Variants in BRINP3 observed in about 807,000 individuals in gnomAD.
BRINP3 encodes BMP/retinoic acid-inducible neural-specific protein 3.
Under a neutral mutation model 71.0 loss-of-function variants are expected in BRINP3, and 19 were observed. The ratio of observed to expected loss-of-function variants is 0.27; its 90% CI spans 0.19 to 0.39. The LOEUF is 0.39. Among genes scored for constraint, BRINP3 ranks in the 10% least tolerant of loss-of-function variants. The pLI, the probability that BRINP3 is intolerant of heterozygous loss-of-function variation, is 1.00. For synonymous variants in BRINP3, 380 were observed against 337.7 expected (o/e 1.13, Z -1.37); for missense variants, 959 against 940.8 (o/e 1.02, Z -0.25).
chr1:190,249,250 C>A lies in BRINP3; in HGVS notation c.619-14773G>T, dbSNP rs553473699. ...TCACTTATGTAAGCCTATTCCCCAG[C>A]AGCCCTAAGCACAGCACAGACACTG... On this transcript the variant is annotated intron_variant, in intron 4 of 7. Coordinates refer to ENST00000367462, the MANE Select transcript of BRINP3 (RefSeq NM_199051.3). 3.9e-5 allele frequency among the ~76,000 whole-genome samples: 6 copies of A among 151,920 alleles called. No individual in the cohort carries two copies. In the South Asian group the frequency reaches 1.2e-3, roughly 31 times the overall value.
chr1:190,217,409 A>G (rs573742619), intron 6 of BRINP3, among the ~76,000 whole-genome samples: 55 of 152,080 alleles, frequency 3.6e-4, no homozygotes, highest in South Asian at 1.2e-3. Context: ...GTGCTCTTTC[A>G]TATATCTTAC....
chr1:190,167,641 T>A (rs1224377674), intron 6 of BRINP3, among the ~76,000 whole-genome samples: 2 of 152,134 alleles, frequency 1.3e-5, no homozygotes, highest in Non-Finnish European at 2.9e-5. Flanking sequence ...TCCTTTCAGA[T>A]CTGTTATGTT....
At chr1:190,131,412 CT>C (rs1478661503) in intron 7 of BRINP3, among the ~76,000 whole-genome samples, 4 of 151,938 alleles carry the variant, frequency 2.6e-5, no homozygotes, top group Admixed American at 2.6e-4. Flanking sequence ...TGCAGCTATC[CT>C]AACATGGTAC....
intron 2 of BRINP3, among the ~76,000 whole-genome samples, chr1:190,382,596 C>T (rs933718531): frequency 1.3e-5 from 2 of 152,134 alleles, no homozygotes; most frequent in Non-Finnish European, 2.9e-5. Context: ...TGGGCAAATG[C>T]CGAGGCAAGG....
At chr1:190,324,751 T>G (rs1408270067) in intron 2 of BRINP3, among the ~76,000 whole-genome samples, 2 of 151,940 alleles carry the variant, frequency 1.3e-5, no homozygotes, top group African/African-American at 4.8e-5. Flanking sequence ...AAATACTTTA[T>G]AATCACAAAG....
intron 2 of BRINP3, among the ~76,000 whole-genome samples, chr1:190,425,333 C>T (rs1186132966): frequency 6.6e-6 from 1 of 151,630 alleles, no homozygotes; most frequent in African/African-American, 2.4e-5. Context: ...CAAAGCAATA[C>T]CAATTACTTA....
chr1:190,138,632 CT>C (rs1655172911), intron 7 of BRINP3, among the ~76,000 whole-genome samples: 1 of 152,078 alleles, frequency 6.6e-6, no homozygotes, highest in Non-Finnish European at 1.5e-5. Context: ...TAATTGAACG[CT>C]GTGAAACTTG....
chr1:190,224,666 A>G (rs1037806502), intron 6 of BRINP3, among the ~76,000 whole-genome samples: 1 of 151,966 alleles, frequency 6.6e-6, no homozygotes, highest in African/African-American at 2.4e-5. Flanking sequence ...GCCTCTGTAC[A>G]GTAAACAATC....
At chr1:190,242,509 G>C (rs1659201510) in intron 4 of BRINP3, among the ~76,000 whole-genome samples, 1 of 152,026 alleles carries the variant, frequency 6.6e-6, no homozygotes, top group African/African-American at 2.4e-5. Context: ...CACATTCAGT[G>C]CAAGGGAACT....
chr1:190,431,608 C>T (rs955172259), intron 2 of BRINP3, among the ~76,000 whole-genome samples: 3 of 152,044 alleles, frequency 2.0e-5, no homozygotes, highest in South Asian at 2.1e-4. Flanking sequence ...CTGCCAGCCT[C>T]GGCCTCTCAA....
intron 7 of BRINP3, among the ~76,000 whole-genome samples, chr1:190,110,762 A>G (rs377048474): frequency 3.3e-5 from 5 of 152,088 alleles, no homozygotes; most frequent in East Asian, 1.9e-4. Context: ...GGTTACATCT[A>G]TATTCCATGA....
At chr1:190,119,742 T>C (rs1193349566) in intron 7 of BRINP3, among the ~76,000 whole-genome samples, 1 of 152,210 alleles carries the variant, frequency 6.6e-6, no homozygotes, top group Non-Finnish European at 1.5e-5. Flanking sequence ...GATGTAATTG[T>C]ATTTTGGTTG....
chr1:190,169,448 A>G (rs556494283), intron 6 of BRINP3, among the ~76,000 whole-genome samples: 1 of 152,282 alleles, frequency 6.6e-6, no homozygotes, highest in Non-Finnish European at 1.5e-5. Flanking sequence ...TTTCTGGCAT[A>G]GCATCTGAGC....
chr1:190,442,036 G>T (rs985799626), intron 2 of BRINP3, among the ~76,000 whole-genome samples: 1 of 151,734 alleles, frequency 6.6e-6, no homozygotes, highest in African/African-American at 2.4e-5. Context: ...AGAATCTTTT[G>T]TTTTATTTGG....
intron 2 of BRINP3, among the ~76,000 whole-genome samples, chr1:190,407,784 C>G (rs1399508140): frequency 6.6e-6 from 1 of 152,090 alleles, no homozygotes; most frequent in African/African-American, 2.4e-5. Context: ...ACAAATTTAT[C>G]TTGGAATATA....
chr1:190,463,072 G>A (rs1458318567), intron 1 of BRINP3, among the ~76,000 whole-genome samples: 5 of 151,710 alleles, frequency 3.3e-5, no homozygotes, highest in African/African-American at 4.8e-5. Flanking sequence ...TATTTATTGG[G>A]TTGAAAAGTA....
intron 7 of BRINP3, among the ~76,000 whole-genome samples, chr1:190,146,326 A>C (rs1003854938): frequency 6.6e-6 from 1 of 152,210 alleles, no homozygotes; most frequent in Non-Finnish European, 1.5e-5. Context: ...ATAACCTTAA[A>C]AGGAGTGTCT....
At chr1:190,476,515 G>A (rs1022024230) in intron 1 of BRINP3, among the ~76,000 whole-genome samples, 1 of 152,192 alleles carries the variant, frequency 6.6e-6, no homozygotes, top group Non-Finnish European at 1.5e-5. Context: ...CTATACGGAA[G>A]AGGAGGTGAT....
chr1:190,405,585 G>T (rs533323121), intron 2 of BRINP3, among the ~76,000 whole-genome samples: 2 of 150,186 alleles, frequency 1.3e-5, no homozygotes, highest in Admixed American at 1.3e-4. Context: ...AGAGAATGGA[G>T]CTTGGAGGCT....
Sources: gnomAD v4.1 joint callset for allele counts (sites outside exome capture counted in the v4.1 genomes callset) on GRCh38, gnomAD v4.1.1 for gene constraint, MANE v1.5 for transcripts, NCBI Gene and HGNC (gene_info 2026-07-23, HGNC 2026-07-21) for gene names.